The following PPCDC variants were observed in gnomAD, a reference collection of about 807,000 sequenced individuals.
The protein encoded by PPCDC is phosphopantothenoylcysteine decarboxylase.
Under a neutral mutation model 20.7 loss-of-function variants are expected in PPCDC, and 20 were observed. The ratio of observed to expected loss-of-function variants is 0.97; its 90% CI spans 0.68 to 1.41. The LOEUF (loss-of-function observed/expected upper bound fraction) is 1.41. Among genes scored for constraint, PPCDC ranks in the 40% most tolerant of loss-of-function variants. PPCDC has a pLI of 0.00. For missense variants in PPCDC, 246 were observed against 263.8 expected, an observed-to-expected ratio of 0.93 and a Z score of 0.47; for synonymous variants, 88 against 100.3, an observed-to-expected ratio of 0.88 and a Z score of 0.73.
chr15:75,043,434 G>A lies in PPCDC; in HGVS notation c.136-7G>A, dbSNP rs770696716. ...CCTCCCCGCCACCCCCTTCTTCTTGGTGACAGCTGGAAGTAGCAGTGGTCA... is the reference window on the plus strand; with the variant it reads ...CCTCCCCGCCACCCCCTTCTTCTTGATGACAGCTGGAAGTAGCAGTGGTCA... On this transcript the variant is annotated splice_region_variant and splice_polypyrimidine_tract_variant and intron_variant, in intron 2 of 5. Transcript: ENST00000342932. The A allele has an allele frequency of 9.4e-5, 151 of 1,607,596 alleles. No individual in the cohort carries two copies. Among genetic ancestry groups the A allele is most frequent in the Non-Finnish European group, 1.2e-4 (144 of 1,176,626 alleles).
chr15:75,030,294 C>T (rs1378971588), intron 2 of PPCDC, among the ~76,000 whole-genome samples: 3 of 152,224 alleles, frequency 2.0e-5, no homozygotes, highest in African/African-American at 7.2e-5. Context: ...TGGTCCTGTG[C>T]CAGTGACTCA....
chr15:75,043,532 G>T lies in PPCDC; in HGVS notation c.227G>T (p.Trp76Leu). Residue 76 changes from tryptophan to leucine, a missense_variant, in exon 3 of 6, where the codon TGG becomes TTG. Physicochemically the swap from Trp to Leu is moderately conservative, Grantham distance 61. Around this residue, in one of 2 missense-constraint regions of PPCDC, gnomAD observed 225 missense variants for 222.6 expected, o/e 1.01. Coordinates refer to ENST00000342932, the MANE Select transcript of PPCDC (RefSeq NM_021823.5). ...ACCCTCTACAGCGACGCTGATGAATGGGAGGTCAGTGCTGGGGCCCCTGGG... is the reference window on the plus strand; with the variant it reads ...ACCCTCTACAGCGACGCTGATGAATTGGAGGTCAGTGCTGGGGCCCCTGGG... ...PVTLYSDADE[W>L]EIWKSRSDPV... 1 of 1,607,976 alleles carries T rather than the reference G, an allele frequency of 6.2e-7. No individual in the cohort carries two copies. Among genetic ancestry groups the T allele is most frequent in the South Asian group, 1.1e-5 (1 of 89,902 alleles).
At chr15:75,037,120 G>C (rs2066094983) in intron 2 of PPCDC, among the ~76,000 whole-genome samples, 1 of 152,202 alleles carries the variant, frequency 6.6e-6, no homozygotes, top group African/African-American at 2.4e-5. Flanking sequence ...ATGAACCTGG[G>C]ACATTCTTAA....
At chr15:75,039,788 G>C (rs911450777) in intron 2 of PPCDC, among the ~76,000 whole-genome samples, 67 of 142,774 alleles carry the variant, frequency 4.7e-4, no homozygotes, top group Non-Finnish European at 2.6e-4. Context: ...TTCTTTCTTT[G>C]TTTTTTTTTT....
chr15:75,031,299 G>A (rs541691230), intron 2 of PPCDC, among the ~76,000 whole-genome samples: 17 of 152,312 alleles, frequency 1.1e-4, no homozygotes, highest in Admixed American at 9.1e-4. Context: ...TTGAGTGGCA[G>A]TAAAATCCGG....
chr15:75,029,936 C>T (rs754591187), intron 2 of PPCDC, among the ~76,000 whole-genome samples: 4 of 152,208 alleles, frequency 2.6e-5, no homozygotes, highest in Non-Finnish European at 4.4e-5. Context: ...GCAACCCTAC[C>T]GCTTCCTCCC....
chr15:75,049,270 C>T lies in PPCDC; in HGVS notation c.*35C>T. 1.9e-6 allele frequency: 3 copies of T among 1,595,114 alleles called. No individual in the cohort carries two copies. The highest frequency in any genetic ancestry group is 1.1e-5 in the South Asian group (1 of 90,550). ...TCTGTCATGGGTGTCCCTCTGTACT[C>T]AGAATGGGTTCAGGCCAAGTCGGTG... On this transcript the variant is annotated 3_prime_UTR_variant, in exon 6 of 6. Coordinates refer to ENST00000342932, the MANE Select transcript of PPCDC (RefSeq NM_021823.5).
In PPCDC at chr15:75,044,517, G is replaced by A. The variant is rs754617798; in HGVS notation, c.360+3G>A. The stretch of plus-strand genomic sequence containing the variant: ...GTGGCATCTGTGACAACTTGCTTGT[G>A]AGTGATGTCCTGGTGCCCTCGTCCG... On this transcript the variant is annotated splice_donor_region_variant and intron_variant, in intron 4 of 5. Transcript: ENST00000342932. The A allele has an allele frequency of 1.2e-6, 2 of 1,613,662 alleles. No individual in the cohort carries two copies. The highest frequency in any genetic ancestry group is 2.2e-5 in the South Asian group (2 of 91,026).
At chr15:75,032,236 C>G (rs1272630179) in intron 2 of PPCDC, among the ~76,000 whole-genome samples, 7 of 152,146 alleles carry the variant, frequency 4.6e-5, no homozygotes. Flanking sequence ...GAATTCAGAG[C>G]CAAAAGGGGA....
chr15:75,046,203 G>A (rs776447729), intron 4 of PPCDC, among the ~76,000 whole-genome samples: 2 of 152,212 alleles, frequency 1.3e-5, no homozygotes, highest in African/African-American at 2.4e-5. Flanking sequence ...CTACAGAGGT[G>A]AGACTCTGTC....
intron 4 of PPCDC, chr15:75,044,716 G>T (rs935778709): frequency 7.7e-6 from 5 of 648,538 alleles, no homozygotes; most frequent in Non-Finnish European, 9.9e-6. Flanking sequence ...TGATGGGTCA[G>T]TGTGACCTGC....
At chr15:75,043,092 C>T (rs1030781881) in intron 2 of PPCDC, among the ~76,000 whole-genome samples, 4 of 152,222 alleles carry the variant, frequency 2.6e-5, no homozygotes, top group African/African-American at 4.8e-5. Flanking sequence ...CCTCTGCGGC[C>T]CTGGCCTTGA....
At chr15:75,032,019 G>T (rs1369745089) in intron 2 of PPCDC, among the ~76,000 whole-genome samples, 1 of 152,166 alleles carries the variant, frequency 6.6e-6, no homozygotes, top group Non-Finnish European at 1.5e-5. Flanking sequence ...AGGACAAGGG[G>T]AATCCCTCTT....
At chr15:75,037,631 C>T (rs1428567967) in intron 2 of PPCDC, among the ~76,000 whole-genome samples, 1 of 152,170 alleles carries the variant, frequency 6.6e-6, no homozygotes, top group Non-Finnish European at 1.5e-5. Flanking sequence ...CCTGTAATCC[C>T]AGCTACTTGG....
chr15:75,032,453 C>T (rs2066032432), intron 2 of PPCDC, among the ~76,000 whole-genome samples: 1 of 152,134 alleles, frequency 6.6e-6, no homozygotes, highest in Non-Finnish European at 1.5e-5. Context: ...TCTTCATAGT[C>T]CTTGATTTAC....
intron 4 of PPCDC, among the ~76,000 whole-genome samples, chr15:75,046,081 G>A (rs1411013396): frequency 1.3e-5 from 2 of 151,124 alleles, no homozygotes; most frequent in Non-Finnish European, 1.5e-5. Context: ...AGGTGTGGTG[G>A]TGCATGCCTG....
Position 75,049,148 on chromosome 15 carries a change from A to G in PPCDC, c.530-2A>G, listed in dbSNP as rs1441206602. The G allele has an allele frequency of 6.2e-7, 1 of 1,614,032 alleles. No individual in the cohort carries two copies. The highest frequency in any genetic ancestry group is 2.2e-5 in the East Asian group (1 of 44,880). Reference sequence around the variant, plus strand: ...CTGGCCACAGCGGAATTTTGCTCCCAGGTCTCGGGGCCATGGCTGAAGTGG... The same window carrying G: ...CTGGCCACAGCGGAATTTTGCTCCCGGGTCTCGGGGCCATGGCTGAAGTGG... On this transcript the variant is annotated splice_acceptor_variant, in intron 5 of 5. Transcript: ENST00000342932. LOFTEE classifies it high-confidence loss of function.
intron 2 of PPCDC, among the ~76,000 whole-genome samples, chr15:75,032,914 C>T (rs2066041188): frequency 6.6e-6 from 1 of 152,188 alleles, no homozygotes. Context: ...AGTCCTCCCA[C>T]CTCAGCCTCC....
At chr15:75,028,060 A>G (rs2065977772) in intron 1 of PPCDC, 187 bp from the exon 2 acceptor site, 1 of 491,494 alleles carries the variant, frequency 2.0e-6, no homozygotes. Context: ...GCACTGCATC[A>G]TTCCCTTGTG....
Sources: gnomAD v4.1 joint callset for allele counts (sites outside exome capture counted in the v4.1 genomes callset) on GRCh38, gnomAD v4.1.1 for gene constraint, gnomAD v4.1.1 regional missense constraint, MANE v1.5 for transcripts, NCBI Gene and HGNC (gene_info 2026-07-23, HGNC 2026-07-21) for gene names.